Variants in WDPCP observed in about 807,000 individuals in gnomAD.
WDPCP encodes the protein WD repeat-containing and planar cell polarity effector protein fritz homolog.
WDPCP carries 71 observed loss-of-function variants against 93.1 expected under a neutral mutation model. That is an observed-to-expected ratio of 0.76 (90% CI 0.63 to 0.93). The LOEUF (loss-of-function observed/expected upper bound fraction) is 0.93, where lower values mean the gene tolerates loss of function less well. Among genes scored for constraint, WDPCP ranks in the 40% least tolerant of loss-of-function variants. The pLI, the probability that WDPCP is intolerant of heterozygous loss-of-function variation, is 0.00. For synonymous variants in WDPCP, 315 were observed against 315.0 expected, an observed-to-expected ratio of 1.00 and a Z score of 0.00; for missense variants, 844 against 887.4, an observed-to-expected ratio of 0.95 and a Z score of 0.62.
intron 9 of WDPCP, among the ~76,000 whole-genome samples, chr2:63,423,075 C>G (rs921826885): frequency 6.6e-6 from 1 of 152,192 alleles, no homozygotes; most frequent in East Asian, 1.9e-4. Flanking sequence ...AAGATCATGA[C>G]AGAGCACATG....
intron 9 of WDPCP, among the ~76,000 whole-genome samples, chr2:63,405,532 A>AGTGTGCGT (rs1318629602): frequency 5.6e-5 from 7 of 125,010 alleles, no homozygotes; most frequent in African/African-American, 2.2e-4. Context: ...ATTTTGGTAT[A>AGTGTGCGT]GTGTGTGTGT....
chr2:63,802,027 A>C (rs1188849380), intron 2 of WDPCP, among the ~76,000 whole-genome samples: 3 of 152,210 alleles, frequency 2.0e-5, no homozygotes, highest in Non-Finnish European at 4.4e-5. Flanking sequence ...TCTTCAAGAA[A>C]GGTTATCAAA....
intron 13 of WDPCP, among the ~76,000 whole-genome samples, chr2:63,293,720 A>T (rs1684620203): frequency 1.3e-5 from 2 of 152,208 alleles, no homozygotes; most frequent in African/African-American, 4.8e-5. Context: ...TGGAGCTGGA[A>T]AATATAATGA....
chr2:63,140,554 ATTT>A (rs57591269), intron 17 of WDPCP, among the ~76,000 whole-genome samples: 2 of 146,014 alleles, frequency 1.4e-5, no homozygotes, highest in African/African-American at 2.5e-5. Context: ...ATTCCTAAGT[ATTT>A]TTTTTTTTTT....
chr2:63,158,872 C>A (rs980462194), intron 15 of WDPCP, among the ~76,000 whole-genome samples: 1 of 148,498 alleles, frequency 6.7e-6, no homozygotes, highest in African/African-American at 2.5e-5. Flanking sequence ...CATGGTGGCT[C>A]ACACCTGTAA....
intron 1 of WDPCP, among the ~76,000 whole-genome samples, chr2:63,572,926 T>C (rs67752811): frequency 0.19 from 29,305 of 151,446 alleles, 3,034 homozygotes; most frequent in Middle Eastern, 0.28. Context: ...GAAATAACTT[T>C]AGTTAGAAGA....
At chr2:63,392,213 G>A (rs1197944834) in intron 10 of WDPCP, among the ~76,000 whole-genome samples, 1 of 152,090 alleles carries the variant, frequency 6.6e-6, no homozygotes, top group Admixed American at 6.5e-5. Context: ...ACAGAACAGA[G>A]GCCTTGGAAA....
intron 3 of WDPCP, among the ~76,000 whole-genome samples, chr2:63,641,960 A>G (rs2106634443): frequency 6.6e-6 from 1 of 151,980 alleles, no homozygotes; most frequent in South Asian, 2.1e-4. Context: ...CTTTTATTTG[A>G]TTTTTGTTTA....
intron 10 of WDPCP, among the ~76,000 whole-genome samples, chr2:63,394,710 A>C (rs1693570294): frequency 6.6e-6 from 1 of 152,214 alleles, no homozygotes; most frequent in South Asian, 2.1e-4. Context: ...CATAGCCATA[A>C]AAAAGAATGA....
At chr2:63,431,250 T>G (rs538763481) in intron 9 of WDPCP, among the ~76,000 whole-genome samples, 1 of 152,010 alleles carries the variant, frequency 6.6e-6, no homozygotes, top group South Asian at 2.1e-4. Flanking sequence ...TGATACTCCC[T>G]CCCCTCCAGA....
intron 15 of WDPCP, among the ~76,000 whole-genome samples, chr2:63,156,421 A>G (rs1350062778): frequency 2.0e-5 from 3 of 152,216 alleles, no homozygotes; most frequent in East Asian, 3.9e-4. Context: ...TTGGTTTTCA[A>G]TTGTACATTA....
intron 14 of WDPCP, among the ~76,000 whole-genome samples, chr2:63,238,690 T>A (rs1679612969): frequency 6.6e-6 from 1 of 152,166 alleles, no homozygotes; most frequent in South Asian, 2.1e-4. Context: ...CTCCCTTTTT[T>A]AATCCTTCTA....
At chr2:63,308,461 G>A (rs1685920560) in intron 13 of WDPCP, among the ~76,000 whole-genome samples, 1 of 152,138 alleles carries the variant, frequency 6.6e-6, no homozygotes, top group South Asian at 2.1e-4. Flanking sequence ...TATTGTAGCA[G>A]TATTCACAAT....
chr2:63,230,924 G>A (rs550900966), intron 14 of WDPCP, among the ~76,000 whole-genome samples: 26 of 152,242 alleles, frequency 1.7e-4, no homozygotes, highest in Middle Eastern at 6.8e-3. Context: ...CTGTGCAGAA[G>A]CTCCTTAATT....
At chr2:63,305,116 C>T (rs960508807) in intron 13 of WDPCP, among the ~76,000 whole-genome samples, 1 of 152,146 alleles carries the variant, frequency 6.6e-6, no homozygotes, top group African/African-American at 2.4e-5. Context: ...ATAGATAAAA[C>T]TCCCACCTCC....
chr2:63,552,102 T>TCTTTTTTTTTTTTTTTTTTTTTGAGACGG (rs1558796702), intron 1 of WDPCP, among the ~76,000 whole-genome samples: 1 of 113,912 alleles, frequency 8.8e-6, no homozygotes, highest in South Asian at 2.8e-4. Context: ...CTGCTTTCTT[T>TCTTTTTTTTTTTTTTTTTTTTTGAGACGG]AAAACAATAT....
At chr2:63,159,951 C>T (rs1478228415) in intron 15 of WDPCP, among the ~76,000 whole-genome samples, 2 of 152,188 alleles carry the variant, frequency 1.3e-5, no homozygotes, top group Non-Finnish European at 2.9e-5. Flanking sequence ...ATCCAGGAAG[C>T]TGCATCTTTA....
chr2:63,797,365 C>A (rs998744167), intron 2 of WDPCP, among the ~76,000 whole-genome samples: 1 of 152,028 alleles, frequency 6.6e-6, no homozygotes, highest in African/African-American at 2.4e-5. Context: ...CACTGTAGGA[C>A]AGAGCACCAA....
chr2:63,348,444 C>T (rs1372659835), intron 12 of WDPCP, among the ~76,000 whole-genome samples: 1 of 152,238 alleles, frequency 6.6e-6, no homozygotes, highest in African/African-American at 2.4e-5. Flanking sequence ...ATTATAATTG[C>T]TGTTGATTAT....
Sources: gnomAD v4.1 joint callset for allele counts (sites outside exome capture counted in the v4.1 genomes callset) on GRCh38, gnomAD v4.1.1 for gene constraint, MANE v1.5 for transcripts, NCBI Gene and HGNC (gene_info 2026-07-23, HGNC 2026-07-21) for gene names.